Variants in FOXP2 observed in about 807,000 individuals in gnomAD.
FOXP2 encodes forkhead box P2, also known as forkhead box protein P2.
A neutral mutation model predicts 115.8 loss-of-function variants in FOXP2; 12 were observed. The observed-to-expected ratio is 0.10, with a 90% CI of 0.07 to 0.17. The LOEUF (loss-of-function observed/expected upper bound fraction) is 0.17, where lower values mean the gene tolerates loss of function less well. Ranked by LOEUF, FOXP2 falls within the 10% of genes least tolerant of loss-of-function variation. The pLI is 1.00. For synonymous variants in FOXP2, 328 were observed against 297.7 expected (o/e 1.10, Z -1.05); for missense variants, 629 against 843.5 (o/e 0.75, Z 3.15).
At chr7:114,542,786 T>A (rs964390606) in intron 3 of FOXP2, among the ~76,000 whole-genome samples, 1 of 143,270 alleles carries the variant, frequency 7.0e-6, no homozygotes, top group Non-Finnish European at 1.5e-5. Flanking sequence ...TTTTTGTTTT[T>A]GTTTTTTGTT....
intron 1 of FOXP2, among the ~76,000 whole-genome samples, chr7:114,252,409 A>C (rs1386605802): frequency 1.3e-5 from 2 of 152,046 alleles, no homozygotes; most frequent in East Asian, 3.9e-4. Flanking sequence ...TCGGCTGTGA[A>C]TCCATCTGGT....
chr7:114,362,453 T>C (rs973772583), intron 2 of FOXP2, among the ~76,000 whole-genome samples: 3 of 152,082 alleles, frequency 2.0e-5, no homozygotes, highest in Admixed American at 6.6e-5. Context: ...ATGAATACTA[T>C]GCTAAATAAG....
At chr7:114,601,690 C>T (rs368681656) in intron 3 of FOXP2, among the ~76,000 whole-genome samples, 8 of 152,060 alleles carry the variant, frequency 5.3e-5, no homozygotes, top group East Asian at 1.9e-4. Flanking sequence ...TTTATAATTG[C>T]TCAGTTTAAA....
At chr7:114,330,960 A>G (rs1797694233) in intron 2 of FOXP2, among the ~76,000 whole-genome samples, 1 of 152,208 alleles carries the variant, frequency 6.6e-6, no homozygotes, top group African/African-American at 2.4e-5. Context: ...CAAAAAATTT[A>G]CAAATATCTA....
intron 2 of FOXP2, among the ~76,000 whole-genome samples, chr7:114,345,993 T>C (rs1225672533): frequency 6.6e-6 from 1 of 151,814 alleles, no homozygotes; most frequent in Non-Finnish European, 1.5e-5. Flanking sequence ...TTTTATAGTT[T>C]TCACAAACAG....
chr7:114,150,497 T>C (rs1342589008), intron 1 of FOXP2, among the ~76,000 whole-genome samples: 1 of 152,058 alleles, frequency 6.6e-6, no homozygotes, highest in Non-Finnish European at 1.5e-5. Context: ...TTTGATGTAT[T>C]CTGCCTTTTC....
At chr7:114,211,671 T>C (rs1794354023) in intron 1 of FOXP2, among the ~76,000 whole-genome samples, 1 of 152,344 alleles carries the variant, frequency 6.6e-6, no homozygotes, top group South Asian at 2.1e-4. Flanking sequence ...GAAAAATTAA[T>C]CAAAAGTGGC....
chr7:114,627,646 C>T (rs1804667368), intron 3 of FOXP2, among the ~76,000 whole-genome samples: 2 of 152,004 alleles, frequency 1.3e-5, no homozygotes, highest in South Asian at 4.1e-4. Flanking sequence ...TTCCTTCTTT[C>T]TCCTTTATAT....
At position 114,506,007 on chromosome 7, in the gene FOXP2, A is replaced by G. The variant is rs796671174; in HGVS notation, c.169-28610A>G. Among the ~76,000 whole-genome samples, 5 of 151,620 alleles carry G rather than the reference A, an allele frequency of 3.3e-5. No homozygotes were observed. In the South Asian group the frequency reaches 8.3e-4, roughly 25 times the overall value. On this transcript the variant is annotated intron_variant, in intron 2 of 16. Transcript: ENST00000350908. ...ACACCTTAAAATGACCAACCTTTTTATCTTTTCTACTTCCACTCCCACATT... is the reference window on the plus strand; with the variant it reads ...ACACCTTAAAATGACCAACCTTTTTGTCTTTTCTACTTCCACTCCCACATT...
intron 1 of FOXP2, among the ~76,000 whole-genome samples, chr7:114,135,363 A>G (rs1792012182): frequency 6.6e-6 from 1 of 152,158 alleles, no homozygotes; most frequent in African/African-American, 2.4e-5. Context: ...AAAGGCAAAG[A>G]AAATCTGAGT....
chr7:114,469,635 G>A (rs1229633319), intron 2 of FOXP2, among the ~76,000 whole-genome samples: 3 of 152,132 alleles, frequency 2.0e-5, no homozygotes, highest in African/African-American at 7.2e-5. Context: ...TGATTAAAAA[G>A]GAAGCAGATG....
intron 2 of FOXP2, among the ~76,000 whole-genome samples, chr7:114,429,800 T>G (rs1321947314): frequency 6.6e-6 from 1 of 151,572 alleles, no homozygotes; most frequent in African/African-American, 2.4e-5. Flanking sequence ...AACAGAGTAT[T>G]TGAATAACCA....
chr7:114,149,454 T>C (rs2129148582), intron 1 of FOXP2, among the ~76,000 whole-genome samples: 1 of 152,218 alleles, frequency 6.6e-6, no homozygotes, highest in East Asian at 1.9e-4. Context: ...AGAATGACCT[T>C]GTGAGAGGTA....
At chr7:114,686,295 C>G (rs974016186) in intron 16 of FOXP2, among the ~76,000 whole-genome samples, 1 of 152,006 alleles carries the variant, frequency 6.6e-6, no homozygotes, top group African/African-American at 2.4e-5. Context: ...ACCTCGGCCT[C>G]CCGAGTAACT....
At chr7:114,230,457 G>C (rs948613332) in intron 1 of FOXP2, among the ~76,000 whole-genome samples, 2 of 151,754 alleles carry the variant, frequency 1.3e-5, no homozygotes, top group African/African-American at 2.4e-5. Context: ...GATGAATATG[G>C]ATTCAAAAAT....
At chr7:114,127,036 TG>T (rs1329122899) in intron 1 of FOXP2, among the ~76,000 whole-genome samples, 1 of 152,188 alleles carries the variant, frequency 6.6e-6, no homozygotes, top group South Asian at 2.1e-4. Flanking sequence ...CAGTGAGTGC[TG>T]AAGTCTCATC....
chr7:114,482,191 A>G (rs1476311422), intron 2 of FOXP2, among the ~76,000 whole-genome samples: 1 of 151,450 alleles, frequency 6.6e-6, no homozygotes, highest in Non-Finnish European at 1.5e-5. Context: ...GCATGCTTGA[A>G]CTAGTGATTG....
At chr7:114,610,642 G>A (rs529243817) in intron 3 of FOXP2, among the ~76,000 whole-genome samples, 1 of 151,894 alleles carries the variant, frequency 6.6e-6, no homozygotes, top group African/African-American at 2.4e-5. Flanking sequence ...GATGAAAGAC[G>A]CCCAGTAACT....
intron 2 of FOXP2, among the ~76,000 whole-genome samples, chr7:114,388,621 A>G (rs1212030091): frequency 6.6e-6 from 1 of 152,184 alleles, no homozygotes; most frequent in East Asian, 1.9e-4. Flanking sequence ...TTATAAGATC[A>G]TACACTTTAC....
Sources: allele counts gnomAD v4.1 joint callset (sites outside exome capture counted in the v4.1 genomes callset), GRCh38; gene constraint gnomAD v4.1.1; transcripts MANE v1.5; gene names NCBI Gene and HGNC (gene_info 2026-07-23, HGNC 2026-07-21).